Variants in DLAT observed in about 807,000 individuals in gnomAD.
The protein encoded by DLAT is dihydrolipoamide S-acetyltransferase.
In DLAT, 43 loss-of-function variants were observed where a neutral mutation model predicts 68.0. The observed-to-expected ratio is 0.63, with a 90% CI of 0.50 to 0.81. The LOEUF (loss-of-function observed/expected upper bound fraction) is 0.81. Ranked by LOEUF, DLAT falls within the 40% of genes least tolerant of loss-of-function variation. The probability of loss-of-function intolerance (pLI) is 0.00; values close to 1 mark genes in which losing one functional copy is unlikely to be tolerated. For synonymous variants in DLAT, 265 were observed against 288.6 expected (o/e 0.92, Z 0.83); for missense variants, 745 against 815.4 (o/e 0.91, Z 1.05).
At chr11:112,061,639 T>C (rs1482195838) in intron 13 of DLAT, 1 of 172,872 alleles carries the variant, frequency 5.8e-6, no homozygotes, top group Non-Finnish European at 1.2e-5. Context: ...AGTGCAGTGG[T>C]GCCATCTCGG....
chr11:112,027,107 G>A (rs1424894358), intron 2 of DLAT, among the ~76,000 whole-genome samples: 2 of 151,802 alleles, frequency 1.3e-5, no homozygotes, highest in Non-Finnish European at 2.9e-5. Context: ...CCCAGACGGG[G>A]TGGCTGCCGG....
At chr11:112,026,842 A>G (rs1243623790) in intron 2 of DLAT, among the ~76,000 whole-genome samples, 1 of 152,158 alleles carries the variant, frequency 6.6e-6, no homozygotes, top group Non-Finnish European at 1.5e-5. Context: ...CACCTCCCAG[A>G]CAGGGTGGTG....
chr11:112,054,422 T>C (rs1863876337), intron 11 of DLAT, among the ~76,000 whole-genome samples: 1 of 152,208 alleles, frequency 6.6e-6, no homozygotes, highest in Non-Finnish European at 1.5e-5. Flanking sequence ...TGACAGTGAT[T>C]GTGTATGACT....
At position 112,052,207 on chromosome 11, in the gene DLAT, A is replaced by T. The variant is rs922672604; in HGVS notation, c.1514+858A>T. 7.2e-4 allele frequency among the ~76,000 whole-genome samples: 110 copies of T among 152,172 alleles called. 2 individuals carry two copies. The highest frequency in any genetic ancestry group is 1.6e-4 in the Non-Finnish European group (11 of 68,030). On this transcript the variant is annotated intron_variant, in intron 11 of 13. Coordinates refer to ENST00000280346, the MANE Select transcript of DLAT (RefSeq NM_001931.5). ...GTCACAGCACCGCTTCTGTGACCAG[A>T]TGAGTAGAGGCAGGGGTGGGGAGGG...
At chr11:112,036,203 T>TGTGTGTGTGTG (rs1566617824) in intron 5 of DLAT, among the ~76,000 whole-genome samples, 1 of 22,048 alleles carries the variant, frequency 4.5e-5, no homozygotes, top group African/African-American at 1.6e-4. Context: ...GTGTGTGTGT[T>TGTGTGTGTGTG]TTTTTTTTTT....
intron 5 of DLAT, among the ~76,000 whole-genome samples, chr11:112,035,681 G>A (rs1169222918): frequency 1.3e-5 from 2 of 151,570 alleles, no homozygotes; most frequent in East Asian, 3.9e-4. Context: ...TAGAAATGTG[G>A]TTTCACTATG....
intron 8 of DLAT, among the ~76,000 whole-genome samples, chr11:112,044,219 C>T (rs1863192282): frequency 6.6e-6 from 1 of 151,972 alleles, no homozygotes; most frequent in African/African-American, 2.4e-5. Context: ...GTTTTTGAGA[C>T]AGTCTCACTC....
chr11:112,061,243 C>A (rs1231188396), intron 13 of DLAT, 69 bp downstream of exon 13: 1 of 1,574,018 alleles, frequency 6.4e-7, no homozygotes, highest in Non-Finnish European at 8.7e-7. Context: ...CCTGTGGTAT[C>A]CTCAGGGGAT....
At chr11:112,029,582 ATCC>A (rs1862282849) in intron 4 of DLAT, among the ~76,000 whole-genome samples, 3 of 151,996 alleles carry the variant, frequency 2.0e-5, no homozygotes. Context: ...TTCACGAGGG[ATCC>A]TCCTCCAATA....
At chr11:112,043,777 C>T (rs1476927786) in intron 8 of DLAT, among the ~76,000 whole-genome samples, 1 of 152,104 alleles carries the variant, frequency 6.6e-6, no homozygotes, top group Non-Finnish European at 1.5e-5. Context: ...ATATAACTTA[C>T]CCACATCCTC....
At chr11:112,055,235 ATTTT>A (rs66865041) in intron 11 of DLAT, among the ~76,000 whole-genome samples, 1 of 75,444 alleles carries the variant, frequency 1.3e-5, no homozygotes, top group African/African-American at 5.2e-5. Flanking sequence ...GTCAAGGCCT[ATTTT>A]TTTTTTTTTT....
In DLAT at chr11:112,025,550, G is replaced by C. The variant is rs200888235; in HGVS notation, c.78G>C (p.Gln26His). 1 of 1,613,972 alleles carries C rather than the reference G, an allele frequency of 6.2e-7. No individual in the cohort carries two copies. Among genetic ancestry groups the C allele is most frequent in the Non-Finnish European group, 8.5e-7 (1 of 1,179,994 alleles). The change falls in exon 1 of 14, where the codon CAG (glutamine) becomes CAC (histidine). Residue 26 changes from glutamine (Q) to histidine (H), a missense_variant. By Grantham distance (24) the Gln-to-His change is conservative. Coordinates refer to ENST00000280346, the MANE Select transcript of DLAT (RefSeq NM_001931.5). ...TCGAGGCTCGGTGGACGGCCTTGCA[G>C]GAGGTACCCGGAACTCCACGAGTGA... ...AGLEARWTALQEVPGTPRVTS... is the reference protein window; with the variant it reads ...AGLEARWTALHEVPGTPRVTS...
At position 112,062,882 on chromosome 11, in the gene DLAT, G is replaced by A. The variant is rs1170036714; in HGVS notation, c.*347G>A. 7 of 249,042 alleles carry A rather than the reference G, an allele frequency of 2.8e-5. No individual in the cohort carries two copies. Among genetic ancestry groups the A allele is most frequent in the Non-Finnish European group, 4.8e-5 (6 of 125,598 alleles). 15.4% of individuals were successfully genotyped at this position (249,042 alleles called of 1,614,324 possible). On this transcript the variant is annotated 3_prime_UTR_variant, in exon 14 of 14. Coordinates refer to ENST00000280346, the MANE Select transcript of DLAT (RefSeq NM_001931.5). ...AAGACAAGTACATAAAGGTGACCCT[G>A]ATGAAACCTTGAAGTTCTGAAATTT... is the stretch of plus-strand genomic sequence containing the variant.
intron 2 of DLAT, among the ~76,000 whole-genome samples, chr11:112,027,138 T>C (rs1432069843): frequency 6.1e-5 from 8 of 130,582 alleles, no homozygotes; most frequent in Admixed American, 1.5e-4. Context: ...TCCTCACTTC[T>C]CAGACGGGGT....
intron 4 of DLAT, chr11:112,030,123 C>G: frequency 1.3e-6 from 1 of 751,806 alleles, no homozygotes; most frequent in South Asian, 1.3e-5. Context: ...AGTACCATCT[C>G]CATTAACAAA....
At position 112,051,138 on chromosome 11, in the gene DLAT, TA is replaced by T; in HGVS notation, c.1399-95del. On this transcript the variant is annotated intron_variant, in intron 10 of 13. Coordinates refer to ENST00000280346, the MANE Select transcript of DLAT (RefSeq NM_001931.5). The surrounding 1 kb of genome is among the most constrained non-coding windows in gnomAD (Gnocchi z 4.3). ...AACCACCATGGCACATGTTTACCTA[TA>T]TAATAAACCTGGACATTCTGCACAT... is the stretch of plus-strand genomic sequence containing the variant. 2 of 822,342 alleles carry T rather than the reference TA, an allele frequency of 2.4e-6. No individual in the cohort carries two copies. The highest frequency in any genetic ancestry group is 3.9e-6 in the Non-Finnish European group (2 of 514,522). The allele number at this position is 822,342 out of a possible 1,614,324, so 50.9% of individuals were successfully genotyped here. A position where few individuals can be genotyped will look rare whatever the true frequency, so the allele number is the denominator to read the frequency against.
At chr11:112,044,125 G>T (rs917005364) in intron 8 of DLAT, among the ~76,000 whole-genome samples, 1 of 152,166 alleles carries the variant, frequency 6.6e-6, no homozygotes, top group Non-Finnish European at 1.5e-5. Context: ...TGAAATAAAA[G>T]ATTTGTTCTT....
intron 11 of DLAT, among the ~76,000 whole-genome samples, chr11:112,054,320 A>AAAT (rs147731397): frequency 3.3e-5 from 5 of 151,824 alleles, no homozygotes; most frequent in African/African-American, 7.3e-5. Context: ...ACTGCATTTC[A>AAAT]AATAATAATA....
In DLAT at chr11:112,043,480, G is replaced by A. The variant is rs782264757; in HGVS notation, c.1144G>A (p.Gly382Ser). Residue 382 changes from glycine (G) to serine (S), a missense_variant, in exon 8 of 14, where the codon GGT becomes AGT. Physicochemically the swap from Gly to Ser is moderately conservative, Grantham distance 56. Coordinates refer to ENST00000280346, the MANE Select transcript of DLAT (RefSeq NM_001931.5). The part of the protein sequence containing the change: ...LTQVKGTGPD[G>S]RITKKDIDSF... Reference sequence around the variant, plus strand: ...GTCTCTTACAGGGACAGGACCAGATGGTAGAATCACCAAGAAGGATATCGA... The same window carrying A: ...GTCTCTTACAGGGACAGGACCAGATAGTAGAATCACCAAGAAGGATATCGA... 2 of 1,614,028 alleles carry A rather than the reference G, an allele frequency of 1.2e-6. No homozygotes were observed. The highest frequency in any genetic ancestry group is 8.5e-7 in the Non-Finnish European group (1 of 1,179,966).
Sources: gnomAD v4.1 joint callset for allele counts (sites outside exome capture counted in the v4.1 genomes callset) on GRCh38, gnomAD v4.1.1 for gene constraint, Gnocchi (gnomAD v3.1) non-coding constraint, MANE v1.5 for transcripts, NCBI Gene and HGNC (gene_info 2026-07-23, HGNC 2026-07-21) for gene names.